SF3B3: variants seen among roughly 807,000 people sequenced by gnomAD.
SF3B3 encodes splicing factor 3b subunit 3, also known as SAP 130.
Under a neutral mutation model 139.2 loss-of-function variants are expected in SF3B3, and 33 were observed. That is an observed-to-expected ratio of 0.24 (90% CI 0.18 to 0.32). The LOEUF is 0.32. Among genes scored for constraint, SF3B3 ranks in the 10% least tolerant of loss-of-function variants. The pLI, the probability that SF3B3 is intolerant of heterozygous loss-of-function variation, is 1.00. For synonymous variants in SF3B3, 596 were observed against 563.6 expected (o/e 1.06, Z -0.81); for missense variants, 818 against 1,509.4 (o/e 0.54, Z 7.59).
chr16:70,551,007 C>T (rs78937874), intron 11 of SF3B3, among the ~76,000 whole-genome samples: 4,857 of 152,158 alleles, frequency 0.032, 289 homozygotes, highest in African/African-American at 0.11. Flanking sequence ...AGATCAGGAC[C>T]GAGAGAAAGC....
chr16:70,536,543 T>C (rs1426819714), intron 6 of SF3B3, among the ~76,000 whole-genome samples: 1 of 151,812 alleles, frequency 6.6e-6, no homozygotes, highest in Non-Finnish European at 1.5e-5. Flanking sequence ...TTTTTTTTTT[T>C]TGTATTTTTA....
At chr16:70,536,873 C>T (rs1440811234) in intron 6 of SF3B3, among the ~76,000 whole-genome samples, 3 of 148,580 alleles carry the variant, frequency 2.0e-5, no homozygotes, top group African/African-American at 7.5e-5. Context: ...TGCAGTGGCG[C>T]AATCTTGGCT....
At chr16:70,529,250 C>T in intron 3 of SF3B3, 51 bp downstream of exon 3, 1 of 1,469,770 alleles carries the variant, frequency 6.8e-7, no homozygotes, top group Middle Eastern at 1.8e-4. Context: ...GATAACAATG[C>T]TGTGCTCTTG....
intron 1 of SF3B3, among the ~76,000 whole-genome samples, 162 bp from the exon 2 acceptor site, chr16:70,526,425 C>T (rs1312467740): frequency 6.6e-6 from 1 of 152,148 alleles, no homozygotes; most frequent in Admixed American, 6.5e-5. Context: ...CCAAGCTGGT[C>T]TCGAACTCCT....
At chr16:70,565,724 C>T in intron 20 of SF3B3, 200 bp downstream of exon 20, 1 of 572,390 alleles carries the variant, frequency 1.7e-6, no homozygotes. Context: ...TTTGTGCTAA[C>T]CATCCATAAT....
chr16:70,568,166 G>T, intron 21 of SF3B3, 117 bp from the exon 22 acceptor site: 1 of 776,228 alleles, frequency 1.3e-6, no homozygotes, highest in Non-Finnish European at 2.2e-6. Context: ...CTAACTGCTG[G>T]TTTTTGGTAT....
chr16:70,565,988 G>A (rs903728403), intron 20 of SF3B3, among the ~76,000 whole-genome samples: 5 of 151,980 alleles, frequency 3.3e-5, no homozygotes, highest in East Asian at 1.9e-4. Context: ...ATGGCGGCAC[G>A]CACCTGTAAT....
rs1205546524 is a variant in SF3B3, at chr16:70,569,962, CT to C, written c.3265-43del. 7 of 1,611,342 alleles carry C rather than the reference CT, an allele frequency of 4.3e-6. No homozygotes were observed. In the Admixed American group the frequency reaches 1.2e-4, roughly 27 times the overall value. ...GCTTGCCCTTGGGAGTCCAGGGAGG[CT>C]CCTGAGGGTGCACACAGTCACTAGT... On this transcript the variant is annotated intron_variant, in intron 23 of 25. Transcript: ENST00000302516.
At chr16:70,554,905 C>G (rs1364924244) in intron 12 of SF3B3, 146 bp from the exon 13 acceptor site, 1 of 757,628 alleles carries the variant, frequency 1.3e-6, no homozygotes, top group Admixed American at 2.9e-5. Context: ...CTGAGGCCTA[C>G]TAACTCTTTT....
intron 1 of SF3B3, among the ~76,000 whole-genome samples, chr16:70,524,366 C>T (rs911842804): frequency 1.3e-5 from 2 of 152,304 alleles, no homozygotes; most frequent in South Asian, 2.1e-4. Context: ...CTTGTCTCCT[C>T]CTCTGAACCT....
chr16:70,551,210 C>G (rs1234774607), intron 11 of SF3B3, among the ~76,000 whole-genome samples: 1 of 152,118 alleles, frequency 6.6e-6, no homozygotes, highest in Non-Finnish European at 1.5e-5. Flanking sequence ...CTCTGGGGTC[C>G]TTAGCAGTGT....
Position 70,523,843 on chromosome 16 carries a change from C to T in SF3B3, c.-156C>T, listed in dbSNP as rs1179206960. 5.6e-6 allele frequency: 3 copies of T among 531,882 alleles called. No homozygotes were observed. Among genetic ancestry groups the T allele is most frequent in the East Asian group, 3.1e-5 (1 of 32,434 alleles). The allele number at this position is 531,882 out of a possible 1,614,324, so 32.9% of individuals were successfully genotyped here. On this transcript the variant is annotated 5_prime_UTR_variant, in exon 1 of 26. In the 5' UTR this introduces an upstream ATG that the reference lacks. Transcript: ENST00000302516. Reference sequence around the variant, plus strand: ...CCCTGTCTTGAGGTCTAATGGCGGACGCCAGTATGTTGGAGTTGGTGGTGG... The same window carrying T: ...CCCTGTCTTGAGGTCTAATGGCGGATGCCAGTATGTTGGAGTTGGTGGTGG...
At chr16:70,535,471 T>A (rs773341776) in intron 6 of SF3B3, 51 bp downstream of exon 6, 17 of 1,077,072 alleles carry the variant, frequency 1.6e-5, no homozygotes, top group Non-Finnish European at 2.4e-5. Flanking sequence ...TTTTTGTGAT[T>A]ACAGTGTAGT....
chr16:70,561,926 C>T (rs561618603), intron 17 of SF3B3, 142 bp downstream of exon 17: 5 of 687,614 alleles, frequency 7.3e-6, no homozygotes, highest in Non-Finnish European at 1.2e-5. Context: ...GCAATTGAAA[C>T]CTTCATTTGG....
intron 5 of SF3B3, among the ~76,000 whole-genome samples, chr16:70,534,869 G>T (rs146676001): frequency 6.6e-6 from 1 of 151,866 alleles, no homozygotes; most frequent in African/African-American, 2.4e-5. Context: ...GGATTTCACC[G>T]TGTTGGCCAG....
chr16:70,535,472 A>G (rs1474695420), intron 6 of SF3B3, 52 bp downstream of exon 6: 1 of 1,080,494 alleles, frequency 9.3e-7, no homozygotes, highest in South Asian at 1.4e-5. Context: ...TTTTGTGATT[A>G]CAGTGTAGTC....
At chr16:70,548,500 G>C (rs1156632056) in intron 11 of SF3B3, 58 bp downstream of exon 11, 2 of 1,417,578 alleles carry the variant, frequency 1.4e-6, no homozygotes, top group African/African-American at 2.8e-5. Flanking sequence ...GACATAGAAG[G>C]CTTGAAAGGC....
rs920660239 is a variant in SF3B3, at chr16:70,573,090, C to G, written c.*1277C>G. The G allele has an allele frequency of 6.6e-6, 1 of 152,188 alleles. No homozygotes were observed. Among genetic ancestry groups the G allele is most frequent in the Non-Finnish European group, 1.5e-5 (1 of 68,034 alleles). The allele number at this position is 152,188 out of a possible 1,614,324, so 9.4% of individuals were successfully genotyped here. On this transcript the variant is annotated 3_prime_UTR_variant, in exon 26 of 26. Coordinates refer to ENST00000302516, the MANE Select transcript of SF3B3 (RefSeq NM_012426.5). ...TCTCAGAGCCCAGAACAGAGGGTTC[C>G]TGACACTGTGACACTGTCTCCTGGA... is the stretch of plus-strand genomic sequence containing the variant.
chr16:70,524,487 A>G (rs1004161687), intron 1 of SF3B3: 1 of 152,264 alleles, frequency 6.6e-6, no homozygotes, highest in Non-Finnish European at 1.5e-5. Flanking sequence ...ATAATGGTAA[A>G]CAGACGTGGG....
Sources: allele counts gnomAD v4.1 joint callset (sites outside exome capture counted in the v4.1 genomes callset), GRCh38; gene constraint gnomAD v4.1.1; transcripts MANE v1.5; gene names NCBI Gene and HGNC (gene_info 2026-07-23, HGNC 2026-07-21).